The following CCDC138 variants were observed in gnomAD, a reference collection of about 807,000 sequenced individuals.
The protein encoded by CCDC138 is coiled-coil domain containing 138.
A neutral mutation model predicts 82.3 loss-of-function variants in CCDC138; 66 were observed. The ratio of observed to expected loss-of-function variants is 0.80; its 90% CI spans 0.66 to 0.98. The LOEUF (loss-of-function observed/expected upper bound fraction) is 0.98. Among genes scored for constraint, CCDC138 ranks in the 50% least tolerant of loss-of-function variants. The pLI is 0.00. For missense variants in CCDC138, 816 were observed against 758.9 expected, an observed-to-expected ratio of 1.08 and a Z score of -0.88; for synonymous variants, 297 against 265.4, an observed-to-expected ratio of 1.12 and a Z score of -1.16.
intron 5 of CCDC138, among the ~76,000 whole-genome samples, chr2:108,796,582 T>A (rs979776628): frequency 2.0e-5 from 3 of 152,212 alleles, no homozygotes. Flanking sequence ...TCAGTCTCAG[T>A]GTCCATTGGC....
intron 10 of CCDC138, among the ~76,000 whole-genome samples, chr2:108,827,031 A>G (rs568549030): frequency 5.3e-5 from 8 of 152,274 alleles, no homozygotes; most frequent in Middle Eastern, 3.4e-3. Context: ...TCTTAAATTC[A>G]TTTTTGGATT....
rs747839391 is a variant in CCDC138 at position 108,786,813 on chromosome 2, G to A, written c.-10G>A. On this transcript the variant is annotated 5_prime_UTR_variant, in exon 1 of 15. Coordinates refer to ENST00000295124, the MANE Select transcript of CCDC138 (RefSeq NM_144978.3). Reference sequence around the variant, plus strand: ...GGTTCCCGGGGAGACTGGTACGGTTGCTGTGTGCTATGGAGCCGAGGGTCG... The same window carrying A: ...GGTTCCCGGGGAGACTGGTACGGTTACTGTGTGCTATGGAGCCGAGGGTCG... 1 of 1,584,580 alleles carries A rather than the reference G, an allele frequency of 6.3e-7. No homozygotes were observed. Among genetic ancestry groups the A allele is most frequent in the Middle Eastern group, 1.7e-4 (1 of 5,946 alleles).
At chr2:108,844,537 G>A (rs1170756166) in intron 11 of CCDC138, among the ~76,000 whole-genome samples, 1 of 152,050 alleles carries the variant, frequency 6.6e-6, no homozygotes, top group African/African-American at 2.4e-5. Flanking sequence ...TGTCGGTGTT[G>A]GCAGCTGTTG....
chr2:108,823,079 C>T (rs1343952039), intron 10 of CCDC138, among the ~76,000 whole-genome samples: 1 of 152,130 alleles, frequency 6.6e-6, no homozygotes, highest in Non-Finnish European at 1.5e-5. Context: ...AAAAACACAG[C>T]TTTCCAAGAC....
At chr2:108,796,517 A>G (rs1680926808) in intron 5 of CCDC138, among the ~76,000 whole-genome samples, 1 of 152,228 alleles carries the variant, frequency 6.6e-6, no homozygotes, top group South Asian at 2.1e-4. Flanking sequence ...TATCGAAGAG[A>G]TACCTGCACT....
chr2:108,842,117 T>C (rs77871515), intron 11 of CCDC138, among the ~76,000 whole-genome samples: 1,999 of 152,206 alleles, frequency 0.013, 64 homozygotes, highest in South Asian at 0.082. Flanking sequence ...AGCCTCCAGC[T>C]CCTGGGCTCA....
At chr2:108,820,672 A>G (rs538457769) in intron 10 of CCDC138, among the ~76,000 whole-genome samples, 1 of 149,682 alleles carries the variant, frequency 6.7e-6, no homozygotes, top group Admixed American at 6.7e-5. Context: ...GCAGGCCAAC[A>G]GGCAGTGGGA....
chr2:108,794,425 A>G, intron 4 of CCDC138, 115 bp from the exon 5 acceptor site: 1 of 992,898 alleles, frequency 1.0e-6, no homozygotes, highest in Non-Finnish European at 1.4e-6. Flanking sequence ...GTCTCTCTTG[A>G]AACTTTTTAA....
Position 108,865,285 on chromosome 2 carries a change from C to T in CCDC138, c.1694-8166C>T, listed in dbSNP as rs192281712. On this transcript the variant is annotated intron_variant, in intron 13 of 14. Transcript: ENST00000295124. ...GTTTCTAGTCTTTGGCTAATATAAA[C>T]AGTGCTTCTGTGAATAACCGTATAC... Among the ~76,000 whole-genome samples, 24 of 152,252 alleles carry T rather than the reference C, an allele frequency of 1.6e-4. 1 individual carries two copies. The highest frequency in any genetic ancestry group is 3.4e-3 in the Middle Eastern group (1 of 294).
At chr2:108,884,254 T>C (rs1386451446) in intron 2 of CCDC138, 2 of 152,180 alleles carry the variant, frequency 1.3e-5, no homozygotes, top group Non-Finnish European at 2.9e-5. Flanking sequence ...CCAACTTGCT[T>C]TACCTGTCAA....
intron 1 of CCDC138, among the ~76,000 whole-genome samples, chr2:108,787,798 T>A (rs1001118964): frequency 6.6e-6 from 1 of 152,130 alleles, no homozygotes; most frequent in African/African-American, 2.4e-5. Flanking sequence ...TTAGATTGAT[T>A]ATGCATTTTT....
At chr2:108,854,175 G>C (rs1046208746) in intron 12 of CCDC138, among the ~76,000 whole-genome samples, 3 of 145,586 alleles carry the variant, frequency 2.1e-5, no homozygotes, top group African/African-American at 7.6e-5. Flanking sequence ...TGTCCTACTT[G>C]GCACTTGGCT....
chr2:108,805,396 T>C lies in CCDC138; in HGVS notation c.855+388T>C, dbSNP rs540639735. ...TTCACATTGCTCATGTTCTCATGGTTATAAACTGGTATCACATTGCAGTAT... is the reference window on the plus strand; with the variant it reads ...TTCACATTGCTCATGTTCTCATGGTCATAAACTGGTATCACATTGCAGTAT... On this transcript the variant is annotated intron_variant, in intron 7 of 14. Coordinates refer to ENST00000295124, the MANE Select transcript of CCDC138 (RefSeq NM_144978.3). Among the ~76,000 whole-genome samples, 124 of 152,262 alleles carry C rather than the reference T, an allele frequency of 8.1e-4. 1 individual carries two copies. The highest frequency in any genetic ancestry group is 3.4e-3 in the Middle Eastern group (1 of 294).
intron 11 of CCDC138, among the ~76,000 whole-genome samples, chr2:108,841,069 C>T: frequency 6.6e-6 from 1 of 152,084 alleles, no homozygotes; most frequent in Non-Finnish European, 1.5e-5. Flanking sequence ...ATGTTGACCT[C>T]AAGTGATCTG....
intron 7 of CCDC138, among the ~76,000 whole-genome samples, chr2:108,806,620 G>T (rs1472369056): frequency 6.6e-6 from 1 of 152,160 alleles, no homozygotes; most frequent in East Asian, 1.9e-4. Context: ...AACAGCCATA[G>T]GCAATAAGTA....
At chr2:108,874,939 G>T (rs543069882) in intron 14 of CCDC138, among the ~76,000 whole-genome samples, 3 of 150,492 alleles carry the variant, frequency 2.0e-5, no homozygotes, top group Non-Finnish European at 4.4e-5. Flanking sequence ...TTTTTTAAAG[G>T]TAGTCCCAAA....
chr2:108,875,987 A>G (rs1574342592), intron 14 of CCDC138, 101 bp from the exon 15 acceptor site: 7 of 668,894 alleles, frequency 1.0e-5, no homozygotes, highest in South Asian at 3.2e-5. Flanking sequence ...TTAAAAACAG[A>G]TGCCATTTCC....
intron 11 of CCDC138, among the ~76,000 whole-genome samples, chr2:108,845,157 A>G (rs1176832921): frequency 6.6e-6 from 1 of 152,184 alleles, no homozygotes; most frequent in Non-Finnish European, 1.5e-5. Context: ...TAACACACTT[A>G]TTGTAAGTAG....
At chr2:108,793,574 C>A (rs1558967028) in intron 4 of CCDC138, among the ~76,000 whole-genome samples, 1 of 151,856 alleles carries the variant, frequency 6.6e-6, no homozygotes, top group Admixed American at 6.6e-5. Flanking sequence ...TACTTATATA[C>A]CCTCAGGAAA....
Sources: gnomAD v4.1 joint callset for allele counts (sites outside exome capture counted in the v4.1 genomes callset) on GRCh38, gnomAD v4.1.1 for gene constraint, MANE v1.5 for transcripts, NCBI Gene and HGNC (gene_info 2026-07-23, HGNC 2026-07-21) for gene names.